The following MRPS28 variants were observed in gnomAD, a reference collection of about 807,000 sequenced individuals.
MRPS28 encodes small ribosomal subunit protein bS1m.
Under a neutral mutation model 10.8 loss-of-function variants are expected in MRPS28, and 7 were observed. The ratio of observed to expected loss-of-function variants is 0.65; its 90% CI spans 0.37 to 1.22. The LOEUF is 1.22. Ranked by LOEUF, MRPS28 falls within the 50% of genes most tolerant of loss-of-function variation. The pLI, the probability that MRPS28 is intolerant of heterozygous loss-of-function variation, is 0.02. For synonymous variants in MRPS28, 121 were observed against 93.3 expected (o/e 1.30, Z -1.71); for missense variants, 265 against 232.9 (o/e 1.14, Z -0.90).
At chr8:79,942,306 T>TG (rs1237842261) in intron 2 of MRPS28, among the ~76,000 whole-genome samples, 1 of 152,186 alleles carries the variant, frequency 6.6e-6, no homozygotes, top group African/African-American at 2.4e-5. Context: ...CACAGTACTT[T>TG]GGGGTGAAAA....
intron 2 of MRPS28, among the ~76,000 whole-genome samples, chr8:79,997,211 T>C (rs2130140457): frequency 6.6e-6 from 1 of 152,342 alleles, no homozygotes; most frequent in South Asian, 2.1e-4. Context: ...GTGCTCTGTA[T>C]TTTTAAATTA....
chr8:79,965,958 G>C (rs1332307842), intron 2 of MRPS28, among the ~76,000 whole-genome samples: 2 of 151,936 alleles, frequency 1.3e-5, no homozygotes, highest in African/African-American at 2.4e-5. Flanking sequence ...TTAAAAGTCT[G>C]AGCTTCTGAA....
chr8:80,023,502 T>C (rs1020507806), intron 1 of MRPS28, among the ~76,000 whole-genome samples: 1 of 152,124 alleles, frequency 6.6e-6, no homozygotes, highest in Non-Finnish European at 1.5e-5. Flanking sequence ...AATATTCGAA[T>C]ATTTTGAAAT....
intron 2 of MRPS28, chr8:79,958,454 G>A: frequency 1.5e-6 from 1 of 647,886 alleles, no homozygotes. Context: ...AGGAGAAAAT[G>A]TTGAGATTCA....
intron 2 of MRPS28, among the ~76,000 whole-genome samples, chr8:79,985,737 C>A (rs1312282970): frequency 6.6e-5 from 10 of 152,092 alleles, no homozygotes; most frequent in South Asian, 2.1e-4. Flanking sequence ...AAGAAGTTGA[C>A]TCTCTGAATA....
intron 2 of MRPS28, among the ~76,000 whole-genome samples, chr8:79,987,407 A>C (rs1356494588): frequency 6.6e-6 from 1 of 152,232 alleles, no homozygotes; most frequent in African/African-American, 2.4e-5. Flanking sequence ...AATGGCAACA[A>C]AAGCCAAAAT....
At chr8:79,967,375 G>A (rs148844330) in intron 2 of MRPS28, among the ~76,000 whole-genome samples, 15 of 152,254 alleles carry the variant, frequency 9.9e-5, no homozygotes, top group East Asian at 3.9e-4. Flanking sequence ...CCCCAGACAT[G>A]TTAAGAGACT....
At chr8:80,010,357 T>A (rs1418691771) in intron 1 of MRPS28, among the ~76,000 whole-genome samples, 1 of 152,242 alleles carries the variant, frequency 6.6e-6, no homozygotes, top group Non-Finnish European at 1.5e-5. Context: ...GGAGAACTAC[T>A]AAAAGTTCAA....
intron 2 of MRPS28, among the ~76,000 whole-genome samples, chr8:79,934,196 G>C (rs1806545096): frequency 6.6e-6 from 1 of 152,100 alleles, no homozygotes; most frequent in Non-Finnish European, 1.5e-5. Context: ...CTCGTAACCA[G>C]GTTATTACTG....
chr8:79,933,047 G>A (rs2129903166), intron 2 of MRPS28, among the ~76,000 whole-genome samples: 1 of 152,318 alleles, frequency 6.6e-6, no homozygotes, highest in African/African-American at 2.4e-5. Context: ...TGTGCAGTGG[G>A]ATCTGGGGAA....
At chr8:79,938,017 G>C (rs1225485143) in intron 2 of MRPS28, among the ~76,000 whole-genome samples, 2 of 152,072 alleles carry the variant, frequency 1.3e-5, no homozygotes, top group Non-Finnish European at 2.9e-5. Flanking sequence ...TCTTTTTTGG[G>C]GGGAGGTGTG....
chr8:79,930,592 A>C (rs1586041377), intron 2 of MRPS28, among the ~76,000 whole-genome samples: 2 of 152,150 alleles, frequency 1.3e-5, no homozygotes, highest in South Asian at 4.2e-4. Flanking sequence ...AGCTGCATTC[A>C]CTTATTTTAA....
chr8:79,976,178 G>A (rs1321810882), intron 2 of MRPS28, among the ~76,000 whole-genome samples: 3 of 151,920 alleles, frequency 2.0e-5, no homozygotes, highest in Admixed American at 2.0e-4. Context: ...CTGCCTCCCG[G>A]GTTCAAGCAA....
At chr8:79,954,948 T>A (rs1807166483) in intron 2 of MRPS28, among the ~76,000 whole-genome samples, 1 of 152,022 alleles carries the variant, frequency 6.6e-6, no homozygotes, top group Non-Finnish European at 1.5e-5. Context: ...TACAGTAAGC[T>A]GAGATTGTAC....
At chr8:80,026,393 A>ACC (rs1400960844) in intron 1 of MRPS28, among the ~76,000 whole-genome samples, 1 of 152,250 alleles carries the variant, frequency 6.6e-6, no homozygotes, top group African/African-American at 2.4e-5. Flanking sequence ...CTGGACAGGC[A>ACC]CATTCAACTG....
chr8:80,013,480 C>A (rs762232986), intron 1 of MRPS28, among the ~76,000 whole-genome samples: 5 of 151,276 alleles, frequency 3.3e-5, no homozygotes, highest in Non-Finnish European at 5.9e-5. Context: ...ACTAAAAATA[C>A]AAAATTAGCC....
intron 2 of MRPS28, among the ~76,000 whole-genome samples, chr8:79,948,052 A>G (rs1438665560): frequency 6.6e-6 from 1 of 150,534 alleles, no homozygotes; most frequent in African/African-American, 2.5e-5. Flanking sequence ...CAGTGGCGCA[A>G]TCTCGGCTCA....
chr8:79,920,106 C>A (rs1210377859), intron 2 of MRPS28, among the ~76,000 whole-genome samples: 1 of 152,088 alleles, frequency 6.6e-6, no homozygotes, highest in Non-Finnish European at 1.5e-5. Context: ...CATGTCCCTA[C>A]AAAGGACATG....
rs11449920 is a variant in MRPS28 at position 79,973,839 on chromosome 8, TA to T, written c.395+29159del. 3.1e-3 allele frequency among the ~76,000 whole-genome samples: 427 copies of T among 136,102 alleles called. 3 individuals carry two copies. Among genetic ancestry groups the T allele is most frequent in the African/African-American group, 0.01 (379 of 36,506 alleles). The allele number at this position is 136,102 out of a possible 152,430, so 89.3% of individuals were successfully genotyped here. A position where few individuals can be genotyped will look rare whatever the true frequency, so the allele number is the denominator to read the frequency against. On this transcript the variant is annotated intron_variant, in intron 2 of 2. Transcript: ENST00000276585. ...CAGAAAAGGGCCAGGAATAAATTAA[TA>T]AAAAAAAAAAAAAGAAAGAAAGAAA...
Sources: gnomAD v4.1 joint callset for allele counts (sites outside exome capture counted in the v4.1 genomes callset) on GRCh38, gnomAD v4.1.1 for gene constraint, MANE v1.5 for transcripts, NCBI Gene and HGNC (gene_info 2026-07-23, HGNC 2026-07-21) for gene names.